The following RFX7 variants were observed in gnomAD, a reference collection of about 807,000 sequenced individuals.
RFX7 encodes regulatory factor X7.
RFX7 carries 26 observed loss-of-function variants against 111.8 expected under a neutral mutation model. That is an observed-to-expected ratio of 0.23 (90% CI 0.17 to 0.32). The LOEUF (loss-of-function observed/expected upper bound fraction) is 0.32. Among genes scored for constraint, RFX7 ranks in the 10% least tolerant of loss-of-function variants. The pLI is 1.00. For missense variants in RFX7, 1,573 were observed against 1,772.9 expected, an observed-to-expected ratio of 0.89 and a Z score of 2.02; for synonymous variants, 624 against 624.4, an observed-to-expected ratio of 1.00 and a Z score of 0.01.
Position 56,089,918 on chromosome 15 carries a change from G to T in RFX7, c.*3427C>A, listed in dbSNP as rs907977287. 1 of 152,104 alleles carries T rather than the reference G, an allele frequency of 6.6e-6. No individual in the cohort carries two copies. The highest frequency in any genetic ancestry group is 1.5e-5 in the Non-Finnish European group (1 of 68,018). 9.4% of individuals were successfully genotyped at this position (152,104 alleles called of 1,614,324 possible). ...TACAAAGATCTATGTAAACAGAGGA[G>T]TAGGCTGTTTGAGAAGATCTGTCTA... is the stretch of plus-strand genomic sequence containing the variant. On this transcript the variant is annotated 3_prime_UTR_variant, in exon 10 of 10. Coordinates refer to ENST00000559447, the MANE Select transcript of RFX7 (RefSeq NM_022841.7).
At chr15:56,224,612 T>C (rs920283664) in intron 2 of RFX7, among the ~76,000 whole-genome samples, 1 of 152,118 alleles carries the variant, frequency 6.6e-6, no homozygotes, top group Non-Finnish European at 1.5e-5. Flanking sequence ...AATGACTACA[T>C]AGCCATTCAC....
intron 2 of RFX7, among the ~76,000 whole-genome samples, chr15:56,220,971 C>G (rs2043421042): frequency 6.6e-6 from 1 of 152,104 alleles, no homozygotes; most frequent in African/African-American, 2.4e-5. Flanking sequence ...TAGACTTTGT[C>G]AAAGATCAGA....
intron 2 of RFX7, among the ~76,000 whole-genome samples, chr15:56,218,125 G>T (rs893861060): frequency 2.3e-5 from 3 of 132,676 alleles, no homozygotes; most frequent in Admixed American, 7.6e-5. Flanking sequence ...GGTATTACAA[G>T]TAATTTAGAA....
At chr15:56,123,402 G>A (rs78601393) in intron 5 of RFX7, among the ~76,000 whole-genome samples, 79 of 152,230 alleles carry the variant, frequency 5.2e-4, no homozygotes, top group Non-Finnish European at 1.0e-3. Context: ...GACTCTGCCC[G>A]GTACCCTATA....
intron 2 of RFX7, among the ~76,000 whole-genome samples, chr15:56,184,193 ATTTTTTTTTTTT>A (rs35880948): frequency 5.6e-4 from 45 of 80,732 alleles, no homozygotes; most frequent in African/African-American, 2.2e-3. Context: ...CTAATTTTGT[ATTTTTTTTTTTT>A]TTTTTTTTTT....
intron 5 of RFX7, among the ~76,000 whole-genome samples, chr15:56,129,543 T>C (rs1389891944): frequency 3.9e-5 from 6 of 152,200 alleles, no homozygotes; most frequent in East Asian, 1.9e-4. Context: ...GTTGAACCTA[T>C]GTGAAGCACA....
intron 2 of RFX7, among the ~76,000 whole-genome samples, chr15:56,228,029 C>T (rs2141225695): frequency 6.6e-6 from 1 of 152,232 alleles, no homozygotes; most frequent in Admixed American, 6.5e-5. Flanking sequence ...CGATATTTCA[C>T]TGCACTTTCT....
At chr15:56,120,382 A>G (rs746048828) in intron 5 of RFX7, among the ~76,000 whole-genome samples, 3 of 152,152 alleles carry the variant, frequency 2.0e-5, no homozygotes, top group Non-Finnish European at 4.4e-5. Context: ...ATCCATTCTA[A>G]TAGTTTTTTG....
At chr15:56,182,505 CAGTTGTTACTTCA>C (rs2042985005) in intron 2 of RFX7, among the ~76,000 whole-genome samples, 1 of 152,142 alleles carries the variant, frequency 6.6e-6, no homozygotes, top group East Asian at 1.9e-4. Context: ...GTAAACTTTC[CAGTTGTTACTTCA>C]AGTTGTTACT....
chr15:56,137,609 T>C (rs2042323630), intron 5 of RFX7, among the ~76,000 whole-genome samples: 1 of 152,160 alleles, frequency 6.6e-6, no homozygotes, highest in African/African-American at 2.4e-5. Flanking sequence ...TGTGTCTCTA[T>C]TTCCTTCAGT....
At chr15:56,128,087 T>C (rs770747633) in intron 5 of RFX7, among the ~76,000 whole-genome samples, 19 of 151,914 alleles carry the variant, frequency 1.3e-4, no homozygotes, top group Non-Finnish European at 2.4e-4. Flanking sequence ...CAAAAGGAAA[T>C]AGATAACCTG....
In RFX7 at chr15:56,102,060, T is replaced by TAA. The variant is rs1408165762; in HGVS notation, c.603+107_603+108dup. ...TGTGTGATTTTTTTTTTCTTATTTG[T>TAA]AAAAGGCACAGTCGCTAGGCTTAAC... On this transcript the variant is annotated intron_variant, in intron 7 of 9. Coordinates refer to ENST00000559447, the MANE Select transcript of RFX7 (RefSeq NM_022841.7). 27 of 758,536 alleles carry TAA rather than the reference T, an allele frequency of 3.6e-5. No homozygotes were observed. The African/African-American group carries it at 4.6e-4, about 13-fold the overall frequency. 47.0% of individuals were successfully genotyped at this position (758,536 alleles called of 1,614,324 possible).
chr15:56,216,491 T>C (rs1385987941), intron 2 of RFX7, among the ~76,000 whole-genome samples: 2 of 152,222 alleles, frequency 1.3e-5, no homozygotes, highest in African/African-American at 4.8e-5. Context: ...TCTAATATTA[T>C]TTGCACCTAC....
chr15:56,094,495 G>A lies in RFX7; in HGVS notation c.3233C>T (p.Ser1078Phe). Residue 1078 changes from serine (S) to phenylalanine (F), a missense_variant, in exon 10 of 10, where the codon TCT becomes TTT. Ser to Phe is a radical substitution (Grantham distance 155). Coordinates refer to ENST00000559447, the MANE Select transcript of RFX7 (RefSeq NM_022841.7). Reference sequence around the variant, plus strand: ...ATAGCTTGGGAGAATACCATGGCCAGAAACTGATGAATTACCAACCCCACT... The same window carrying A: ...ATAGCTTGGGAGAATACCATGGCCAAAAACTGATGAATTACCAACCCCACT... The part of the protein sequence containing the change: ...GYSGVGNSSV[S>F]GHGILPSYQE... 6.2e-7 allele frequency: 1 copy of A among 1,613,930 alleles called. No individual in the cohort carries two copies.
intron 2 of RFX7, among the ~76,000 whole-genome samples, chr15:56,233,465 G>T (rs746457798): frequency 4.6e-5 from 7 of 152,092 alleles, no homozygotes; most frequent in Non-Finnish European, 1.0e-4. Flanking sequence ...TGGGGACACA[G>T]CCAAACCATA....
At chr15:56,204,288 G>C (rs1161758725) in intron 2 of RFX7, among the ~76,000 whole-genome samples, 1 of 151,940 alleles carries the variant, frequency 6.6e-6, no homozygotes, top group Non-Finnish European at 1.5e-5. Flanking sequence ...CAAAGTGTTG[G>C]GATTATGGGC....
At chr15:56,172,815 G>A (rs2042859997) in intron 3 of RFX7, among the ~76,000 whole-genome samples, 1 of 152,140 alleles carries the variant, frequency 6.6e-6, no homozygotes, top group South Asian at 2.1e-4. Context: ...AGGGTGTGAA[G>A]GGGCCTATAT....
chr15:56,104,353 G>C (rs956488771), intron 5 of RFX7, among the ~76,000 whole-genome samples: 1 of 152,176 alleles, frequency 6.6e-6, no homozygotes, highest in Non-Finnish European at 1.5e-5. Flanking sequence ...GCCAGTCATA[G>C]GTAAAATGTC....
chr15:56,150,200 CTG>C (rs751304670), intron 3 of RFX7, among the ~76,000 whole-genome samples: 8 of 152,328 alleles, frequency 5.3e-5, no homozygotes, highest in South Asian at 2.1e-4. Context: ...CAGGGCATCT[CTG>C]TAAAACAGGC....
Sources: allele counts gnomAD v4.1 joint callset (sites outside exome capture counted in the v4.1 genomes callset), GRCh38; gene constraint gnomAD v4.1.1; transcripts MANE v1.5; gene names NCBI Gene and HGNC (gene_info 2026-07-23, HGNC 2026-07-21).